Variants in PRKAR1A observed in about 807,000 individuals in gnomAD.
The protein encoded by PRKAR1A is cAMP-dependent protein kinase type I-alpha regulatory subunit.
Under a neutral mutation model 52.0 loss-of-function variants are expected in PRKAR1A, and 3 were observed. The observed-to-expected ratio is 0.06, with a 90% CI of 0.03 to 0.15. The LOEUF (loss-of-function observed/expected upper bound fraction) is 0.15. Among genes scored for constraint, PRKAR1A ranks in the 10% least tolerant of loss-of-function variants. The pLI is 1.00. For synonymous variants in PRKAR1A, 188 were observed against 168.4 expected (o/e 1.12, Z -0.90); for missense variants, 240 against 477.4 (o/e 0.50, Z 4.63).
In PRKAR1A at chr17:68,533,131, A is replaced by G; in HGVS notation, c.*2682A>G. The G allele has an allele frequency of 5.7e-6, 6 of 1,060,764 alleles. No homozygotes were observed. The highest frequency in any genetic ancestry group is 6.9e-6 in the Non-Finnish European group (6 of 875,420). The allele number at this position is 1,060,764 out of a possible 1,614,324, so 65.7% of individuals were successfully genotyped here. ...TAGCATACTCTTTGGTTTAAATTTA[A>G]TATATACATTTAATGTTACTTAGGG... is the stretch of plus-strand genomic sequence containing the variant. On this transcript the variant is annotated 3_prime_UTR_variant, in exon 11 of 11. Coordinates refer to ENST00000589228, the MANE Select transcript of PRKAR1A (RefSeq NM_002734.5).
At chr17:68,476,170 T>A in the PRKAR1A span, among the ~76,000 whole-genome samples, 2 of 152,138 alleles carry the variant, frequency 1.3e-5, no homozygotes, top group South Asian at 4.1e-4. Flanking sequence ...TACTATAATC[T>A]ACTAGGTCAA....
At chr17:68,423,757 A>G in the PRKAR1A span, among the ~76,000 whole-genome samples, 4 of 152,262 alleles carry the variant, frequency 2.6e-5, no homozygotes, top group South Asian at 8.3e-4. This position sits in a 1 kb window ranked among gnomAD's most constrained non-coding sequence, Gnocchi z 4.4. Context: ...CAAATAAATG[A>G]TCTGCACAAG....
At chr17:68,548,723 ATATTTTTT>A (rs1352130497) in intron 11 of PRKAR1A, among the ~76,000 whole-genome samples, 2 of 118,016 alleles carry the variant, frequency 1.7e-5, no homozygotes, top group South Asian at 2.8e-4. Context: ...CTATGCCTGT[ATATTTTTT>A]TTTTTTTTTT....
At chr17:68,529,345 G>A (rs573906780) in intron 9 of PRKAR1A, among the ~76,000 whole-genome samples, 7 of 152,124 alleles carry the variant, frequency 4.6e-5, no homozygotes, top group Non-Finnish European at 8.8e-5. Flanking sequence ...AAGGATTAAA[G>A]GTAATTATTT....
At chr17:68,423,211 TA>T in the PRKAR1A span, among the ~76,000 whole-genome samples, 1 of 152,186 alleles carries the variant, frequency 6.6e-6, no homozygotes, top group African/African-American at 2.4e-5. This position sits in a 1 kb window ranked among gnomAD's most constrained non-coding sequence, Gnocchi z 4.4. Flanking sequence ...AGATTTGCAA[TA>T]GGCATGACAA....
the PRKAR1A span, among the ~76,000 whole-genome samples, chr17:68,473,049 C>T: frequency 0.16 from 24,916 of 152,112 alleles, 2,226 homozygotes; most frequent in South Asian, 0.19. Flanking sequence ...CATCGACATA[C>T]TTTCAGCAAC....
the PRKAR1A span, chr17:68,427,329 C>T: frequency 9.0e-7 from 1 of 1,109,862 alleles, no homozygotes; most frequent in Non-Finnish European, 1.4e-6. Context: ...AAAGGAAAAG[C>T]ATGAAGAAGC....
chr17:68,545,619 TAAGAC>T (rs1319409662), intron 11 of PRKAR1A, among the ~76,000 whole-genome samples: 1 of 152,190 alleles, frequency 6.6e-6, no homozygotes. Context: ...CTTTTAAAAA[TAAGAC>T]AATAATGAAG....
At chr17:68,484,493 A>C in the PRKAR1A span, among the ~76,000 whole-genome samples, 1 of 149,976 alleles carries the variant, frequency 6.7e-6, no homozygotes, top group African/African-American at 2.5e-5. Context: ...GGTTTTCTAC[A>C]ATTTTACTTC....
intron 2 of PRKAR1A, among the ~76,000 whole-genome samples, chr17:68,519,955 G>A (rs1473518844): frequency 2.6e-5 from 4 of 152,256 alleles, no homozygotes; most frequent in African/African-American, 9.6e-5. Context: ...GTTATAGACT[G>A]TAGTCGTCAG....
At chr17:68,544,930 T>G (rs187694961) in intron 11 of PRKAR1A, among the ~76,000 whole-genome samples, 128 of 152,330 alleles carry the variant, frequency 8.4e-4, no homozygotes, top group African/African-American at 2.9e-3. Context: ...GTTTTTACTT[T>G]AGATCAGTGC....
At chr17:68,551,313 C>G in exon 12 of PRKAR1A, 1 of 415,150 alleles carries the variant, frequency 2.4e-6, no homozygotes, top group East Asian at 3.6e-5. Flanking sequence ...TTAATGTAAA[C>G]ATGTAATTGA....
the PRKAR1A span, chr17:68,435,659 G>A: frequency 6.2e-7 from 1 of 1,614,248 alleles, no homozygotes; most frequent in East Asian, 2.2e-5. Flanking sequence ...CTGAGGCATT[G>A]AAGGTGATGG....
the PRKAR1A span, among the ~76,000 whole-genome samples, chr17:68,449,041 C>G: frequency 1.3e-5 from 2 of 152,144 alleles, no homozygotes; most frequent in African/African-American, 4.8e-5. Flanking sequence ...GAAACAATCC[C>G]TTCCTTCTCA....
the PRKAR1A span, chr17:68,427,595 G>A: frequency 5.5e-6 from 1 of 181,988 alleles, no homozygotes; most frequent in South Asian, 1.0e-4. Flanking sequence ...GACCTCAGGT[G>A]ATCCGCCCGC....
chr17:68,432,124 G>A, the PRKAR1A span, among the ~76,000 whole-genome samples: 1 of 152,164 alleles, frequency 6.6e-6, no homozygotes, highest in African/African-American at 2.4e-5. Context: ...TGAGCTTTGG[G>A]TTACACCTGT....
At chr17:68,464,473 G>A in the PRKAR1A span, among the ~76,000 whole-genome samples, 3 of 152,142 alleles carry the variant, frequency 2.0e-5, no homozygotes, top group Non-Finnish European at 2.9e-5. Flanking sequence ...GTGAGGTCAG[G>A]AGTTCGAGAC....
At chr17:68,434,610 AC>A in the PRKAR1A span, 1 of 1,613,976 alleles carries the variant, frequency 6.2e-7, no homozygotes, top group East Asian at 2.2e-5. Context: ...GACAGAGAAC[AC>A]CCGGATGACT....
chr17:68,469,769 A>G, the PRKAR1A span, among the ~76,000 whole-genome samples: 1 of 152,346 alleles, frequency 6.6e-6, no homozygotes, highest in South Asian at 2.1e-4. Context: ...GATTATATCT[A>G]TCATTACTTA....
Sources: allele counts gnomAD v4.1 joint callset (sites outside exome capture counted in the v4.1 genomes callset), GRCh38; gene constraint gnomAD v4.1.1; non-coding constraint Gnocchi (gnomAD v3.1); transcripts MANE v1.5; gene names NCBI Gene and HGNC (gene_info 2026-07-23, HGNC 2026-07-21).